RAD51C: variants seen among roughly 807,000 people sequenced by gnomAD.
The protein encoded by RAD51C is RAD51 paralog C.
In RAD51C, 42 loss-of-function variants were observed where a neutral mutation model predicts 45.0. That is an observed-to-expected ratio of 0.93 (90% CI 0.73 to 1.21). RAD51C has a LOEUF of 1.21. RAD51C is among the 50% of genes most tolerant of loss of function. The pLI, the probability that RAD51C is intolerant of heterozygous loss-of-function variation, is 0.00. For missense variants in RAD51C, 474 were observed against 452.2 expected, an observed-to-expected ratio of 1.05 and a Z score of -0.44; for synonymous variants, 172 against 159.8, an observed-to-expected ratio of 1.08 and a Z score of -0.58.
At chr17:58,709,046 G>A (rs2048464670) in intron 4 of RAD51C, among the ~76,000 whole-genome samples, 1 of 151,134 alleles carries the variant, frequency 6.6e-6, no homozygotes, top group Non-Finnish European at 1.5e-5. Flanking sequence ...TGTGTACAGT[G>A]GCAAGTTAAA....
At chr17:58,724,547 T>C (rs1004623375) in intron 7 of RAD51C, among the ~76,000 whole-genome samples, 1 of 152,112 alleles carries the variant, frequency 6.6e-6, no homozygotes, top group Admixed American at 6.5e-5. Flanking sequence ...GTATATTTCT[T>C]GTATGAAATT....
chr17:58,722,182 G>C (rs1157674094), intron 6 of RAD51C, among the ~76,000 whole-genome samples: 9 of 152,126 alleles, frequency 5.9e-5, no homozygotes, highest in Admixed American at 4.6e-4. Context: ...CAGGAAGTTG[G>C]GAAAGCAGGG....
intron 5 of RAD51C, among the ~76,000 whole-genome samples, chr17:58,717,056 C>T (rs1333990995): frequency 2.6e-5 from 4 of 152,070 alleles, no homozygotes; most frequent in Non-Finnish European, 5.9e-5. Context: ...GCCTCGGCCT[C>T]CCAAAGTGCT....
chr17:58,730,061 A>G (rs1385381439), intron 7 of RAD51C, among the ~76,000 whole-genome samples: 1 of 152,128 alleles, frequency 6.6e-6, no homozygotes, highest in Non-Finnish European at 1.5e-5. Context: ...AAGGCAGGTT[A>G]AAATACACCT....
rs2049139864 is a variant in RAD51C, at chr17:58,726,498, A to G, written c.965+2398A>G. On this transcript the variant is annotated intron_variant, in intron 7 of 8. Transcript: ENST00000337432. ...CGTATAGATGTATATACATATGTATATATGTGTATACGTATAGATGTATAT... is the reference window on the plus strand; with the variant it reads ...CGTATAGATGTATATACATATGTATGTATGTGTATACGTATAGATGTATAT... Among the ~76,000 whole-genome samples, 3 of 114,196 alleles carry G rather than the reference A, an allele frequency of 2.6e-5. No homozygotes were observed. In the Admixed American group the frequency reaches 2.7e-4, roughly 10 times the overall value. 74.9% of individuals were successfully genotyped at this position (114,196 alleles called of 152,430 possible). A position where few individuals can be genotyped will look rare whatever the true frequency, so the allele number is the denominator to read the frequency against.
At chr17:58,702,448 T>A (rs2048241469) in intron 3 of RAD51C, among the ~76,000 whole-genome samples, 1 of 151,664 alleles carries the variant, frequency 6.6e-6, no homozygotes, top group South Asian at 2.1e-4. Context: ...CAGGCGTGAA[T>A]TTGGGAAGCT....
At position 58,732,520 on chromosome 17, in the gene RAD51C, A is replaced by G. The variant is rs774178030; in HGVS notation, c.1002A>G (p.Glu334=). ...ATLYKSPSQK[E]CTVLFQIKPQ... ...TGTACAAGTCACCCAGCCAGAAGGAATGCACAGTACTGTTTCAAATCAAAG... is the reference window on the plus strand; with the variant it reads ...TGTACAAGTCACCCAGCCAGAAGGAGTGCACAGTACTGTTTCAAATCAAAG... The change falls in exon 8 of 9, where the codon GAA becomes GAG. Residue 334 remains glutamate, a synonymous_variant. Transcript: ENST00000337432. The G allele has an allele frequency of 6.2e-7, 1 of 1,613,372 alleles. No homozygotes were observed. Among genetic ancestry groups the G allele is most frequent in the South Asian group, 1.1e-5 (1 of 91,054 alleles).
chr17:58,715,187 C>T (rs763895898), intron 5 of RAD51C, among the ~76,000 whole-genome samples: 18 of 151,620 alleles, frequency 1.2e-4, no homozygotes, highest in Non-Finnish European at 2.4e-4. Context: ...TGCAATAGCT[C>T]ACCCCTGTAA....
intron 5 of RAD51C, among the ~76,000 whole-genome samples, chr17:58,718,774 T>C (rs562042768): frequency 6.6e-6 from 1 of 152,314 alleles, no homozygotes; most frequent in Non-Finnish European, 1.5e-5. Flanking sequence ...AAGTCTCTTC[T>C]CATAATTTGT....
At chr17:58,701,759 T>C (rs2048219222) in intron 3 of RAD51C, among the ~76,000 whole-genome samples, 1 of 151,376 alleles carries the variant, frequency 6.6e-6, no homozygotes, top group Admixed American at 6.6e-5. Flanking sequence ...TTAGTCGAGA[T>C]GTGTTTTACC....
intron 5 of RAD51C, among the ~76,000 whole-genome samples, chr17:58,718,145 C>T (rs75305925): frequency 5.9e-5 from 9 of 151,954 alleles, no homozygotes; most frequent in African/African-American, 1.7e-4. Flanking sequence ...TACAGGTGCC[C>T]GCCCCAACGT....
Position 58,733,599 on chromosome 17 carries a change from C to T in RAD51C, c.1027-519C>T, listed in dbSNP as rs1178517707. On this transcript the variant is annotated intron_variant, in intron 8 of 8. Coordinates refer to ENST00000337432, the MANE Select transcript of RAD51C (RefSeq NM_058216.3). ...TTTATAATGCAATGTTATTTCTGTG[C>T]GTGTGTATGCAAGGGTATAAATAAG... Among the ~76,000 whole-genome samples the T allele has an allele frequency of 3.3e-5, 5 of 152,178 alleles. No individual in the cohort carries two copies. The South Asian group carries it at 6.2e-4, about 19-fold the overall frequency.
Position 58,709,841 on chromosome 17 carries a change from T to A in RAD51C, c.706-18T>A. 1 of 1,594,004 alleles carries A rather than the reference T, an allele frequency of 6.3e-7. No individual in the cohort carries two copies. Among genetic ancestry groups the A allele is most frequent in the Non-Finnish European group, 8.6e-7 (1 of 1,161,932 alleles). The stretch of plus-strand genomic sequence containing the variant: ...TTATTTTTCGTAACAAATCTAATAT[T>A]ATCTCTTCTGTATTTAGGTTCGACT... On this transcript the variant is annotated intron_variant, in intron 4 of 8. Coordinates refer to ENST00000337432, the MANE Select transcript of RAD51C (RefSeq NM_058216.3).
rs550081392 is a variant in RAD51C at position 58,696,481 on chromosome 17, G to T, written c.405-212G>T. ...AATATCCTTAATCTTGGTTTTATAG[G>T]CATGCCCTCCCCGAATCCAGTTGAT... On this transcript the variant is annotated intron_variant, in intron 2 of 8. Coordinates refer to ENST00000337432, the MANE Select transcript of RAD51C (RefSeq NM_058216.3). 1.4e-4 allele frequency among the ~76,000 whole-genome samples: 22 copies of T among 152,248 alleles called. 1 individual carries two copies. The South Asian group carries it at 3.9e-3, about 27-fold the overall frequency.
At chr17:58,703,071 C>T in intron 3 of RAD51C, 125 bp from the exon 4 acceptor site, 1 of 1,049,830 alleles carries the variant, frequency 9.5e-7, no homozygotes, top group Non-Finnish European at 1.4e-6. Flanking sequence ...TATAATTTGT[C>T]ATCTTTCAGT....
intron 4 of RAD51C, among the ~76,000 whole-genome samples, chr17:58,707,348 G>A (rs564970037): frequency 3.9e-5 from 6 of 152,076 alleles, no homozygotes; most frequent in Middle Eastern, 6.8e-3. Flanking sequence ...GTGAAACCCC[G>A]TCTCTACTAA....
chr17:58,720,356 C>T (rs2048872934), intron 5 of RAD51C, among the ~76,000 whole-genome samples: 1 of 150,764 alleles, frequency 6.6e-6, no homozygotes, highest in African/African-American at 2.4e-5. Context: ...GCAGAGCTTG[C>T]TGTGGGCAGA....
intron 6 of RAD51C, among the ~76,000 whole-genome samples, chr17:58,723,293 C>A (rs946144151): frequency 6.6e-6 from 1 of 151,804 alleles, no homozygotes; most frequent in Admixed American, 6.6e-5. Context: ...TTGCTTAAAT[C>A]TTGAGTTACA....
At chr17:58,727,583 A>T (rs1171261333) in intron 7 of RAD51C, among the ~76,000 whole-genome samples, 1 of 151,340 alleles carries the variant, frequency 6.6e-6, no homozygotes, top group African/African-American at 2.4e-5. Context: ...CGGGCTGTGG[A>T]TATATGATAA....
Sources: allele counts gnomAD v4.1 joint callset (sites outside exome capture counted in the v4.1 genomes callset), GRCh38; gene constraint gnomAD v4.1.1; transcripts MANE v1.5; gene names NCBI Gene and HGNC (gene_info 2026-07-23, HGNC 2026-07-21).